LRBA: variants seen among roughly 807,000 people sequenced by gnomAD.
The protein encoded by LRBA is lipopolysaccharide-responsive and beige-like anchor protein.
LRBA carries 176 observed loss-of-function variants against 330.0 expected under a neutral mutation model. The ratio of observed to expected loss-of-function variants is 0.53; its 90% CI spans 0.47 to 0.60. LRBA has a LOEUF of 0.60. LRBA is among the 20% of genes least tolerant of loss of function. The pLI is 0.00. For missense variants in LRBA, 3,259 were observed against 3,444.8 expected (o/e 0.95, Z 1.35); for synonymous variants, 1,230 against 1,193.0 (o/e 1.03, Z -0.64).
intron 40 of LRBA, among the ~76,000 whole-genome samples, chr4:150,506,827 C>T (rs1761151309): frequency 2.0e-5 from 3 of 152,160 alleles, no homozygotes; most frequent in Admixed American, 2.0e-4. Context: ...ATCTAGAAAA[C>T]CCCATTGTCT....
intron 47 of LRBA, among the ~76,000 whole-genome samples, chr4:150,412,637 TC>T (rs1747164105): frequency 6.6e-6 from 1 of 152,072 alleles, no homozygotes. Context: ...CTTTTAGAGC[TC>T]CTTTAAAGTG....
In LRBA at chr4:150,702,698, A is replaced by C. The variant is rs971591547; in HGVS notation, c.5755-18981T>G. 7.2e-5 allele frequency among the ~76,000 whole-genome samples: 11 copies of C among 152,202 alleles called. 1 individual carries two copies. Among genetic ancestry groups the C allele is most frequent in the African/African-American group, 1.9e-4 (8 of 41,458 alleles). On this transcript the variant is annotated intron_variant, in intron 36 of 56. Coordinates refer to ENST00000651943, the MANE Select transcript of LRBA (RefSeq NM_001364905.1). ...TTCTATCATACACTACAGACTGCAA[A>C]AACGATTTTACAACTTACGTGTAAT...
intron 56 of LRBA, among the ~76,000 whole-genome samples, chr4:150,274,567 A>G (rs1220511691): frequency 1.3e-5 from 2 of 152,190 alleles, no homozygotes; most frequent in Non-Finnish European, 2.9e-5. Flanking sequence ...TACACAAGAA[A>G]AGAGAGAAGA....
chr4:150,318,904 G>C (rs1025564974), intron 50 of LRBA, among the ~76,000 whole-genome samples: 3 of 152,026 alleles, frequency 2.0e-5, no homozygotes, highest in African/African-American at 7.2e-5. Context: ...GCCAGGACTG[G>C]GAACAGTTGG....
chr4:150,863,540 T>G (rs1469324987), intron 22 of LRBA, among the ~76,000 whole-genome samples: 1 of 152,074 alleles, frequency 6.6e-6, no homozygotes, highest in Non-Finnish European at 1.5e-5. Flanking sequence ...CAGGCAACTG[T>G]AATCCCAGAT....
At chr4:150,749,568 C>T (rs1267931986) in intron 35 of LRBA, among the ~76,000 whole-genome samples, 2 of 151,874 alleles carry the variant, frequency 1.3e-5, no homozygotes, top group South Asian at 2.1e-4. Flanking sequence ...CCAGCCTGGA[C>T]AACATAGCAA....
At chr4:150,490,763 C>T (rs1324390944) in intron 41 of LRBA, among the ~76,000 whole-genome samples, 155 bp downstream of exon 41, 3 of 151,604 alleles carry the variant, frequency 2.0e-5, no homozygotes, top group Non-Finnish European at 3.0e-5. Context: ...TGGGAAAAAA[C>T]CATGAAGAAG....
intron 43 of LRBA, among the ~76,000 whole-genome samples, chr4:150,471,276 T>C (rs1404149396): frequency 6.6e-6 from 1 of 152,172 alleles, no homozygotes; most frequent in African/African-American, 2.4e-5. Flanking sequence ...GCTAGTCAAA[T>C]AGTATCCATC....
chr4:150,616,254 G>GC (rs1775762962), intron 37 of LRBA, among the ~76,000 whole-genome samples: 1 of 152,104 alleles, frequency 6.6e-6, no homozygotes, highest in South Asian at 2.1e-4. Context: ...AGACTTTCAA[G>GC]CAAGTGACCA....
intron 40 of LRBA, among the ~76,000 whole-genome samples, chr4:150,504,618 G>A (rs1161613124): frequency 1.3e-5 from 2 of 152,130 alleles, no homozygotes; most frequent in Non-Finnish European, 2.9e-5. Context: ...AGGAACAACT[G>A]GTACCAGCCA....
chr4:150,859,585 T>C (rs1455210315), intron 22 of LRBA, among the ~76,000 whole-genome samples: 2 of 152,190 alleles, frequency 1.3e-5, no homozygotes, highest in Admixed American at 6.5e-5. Context: ...AGTGCAGTTA[T>C]ACTAGAAGAG....
At chr4:150,336,342 C>T (rs1734730413) in intron 48 of LRBA, among the ~76,000 whole-genome samples, 1 of 151,938 alleles carries the variant, frequency 6.6e-6, no homozygotes, top group Non-Finnish European at 1.5e-5. Context: ...TATCTGATTC[C>T]AAGGATCCCT....
chr4:150,700,485 G>A (rs887516929), intron 36 of LRBA, among the ~76,000 whole-genome samples: 1 of 152,152 alleles, frequency 6.6e-6, no homozygotes, highest in Admixed American at 6.5e-5. Flanking sequence ...CGTTGGGTCA[G>A]TCAGTGTACA....
At chr4:150,350,250 A>C in intron 47 of LRBA, 91 bp from the exon 48 acceptor site, 1 of 995,962 alleles carries the variant, frequency 1.0e-6, no homozygotes, top group Non-Finnish European at 1.4e-6. Context: ...TTTAACACTA[A>C]CTTTACTGTG....
chr4:150,703,687 G>C (rs548645434), intron 36 of LRBA, among the ~76,000 whole-genome samples: 1 of 152,008 alleles, frequency 6.6e-6, no homozygotes, highest in South Asian at 2.1e-4. Flanking sequence ...AGCCTTTAAC[G>C]ATTTCTCCTA....
At chr4:150,695,479 T>C (rs932443208) in intron 36 of LRBA, among the ~76,000 whole-genome samples, 5 of 152,118 alleles carry the variant, frequency 3.3e-5, no homozygotes, top group African/African-American at 1.2e-4. Flanking sequence ...CACATCACCA[T>C]GCCCAGCTAA....
chr4:150,598,888 GAAC>G (rs1773802136), intron 38 of LRBA, 116 bp downstream of exon 38: 1 of 1,201,492 alleles, frequency 8.3e-7, no homozygotes, highest in Non-Finnish European at 1.2e-6. Flanking sequence ...TTTCTGGTAT[GAAC>G]AACCATAAAA....
intron 47 of LRBA, among the ~76,000 whole-genome samples, chr4:150,375,216 G>A (rs1449885582): frequency 6.6e-6 from 1 of 152,122 alleles, no homozygotes; most frequent in African/African-American, 2.4e-5. Context: ...GCGGGAGCAA[G>A]AAAAAATGTG....
At chr4:150,681,441 T>A (rs905060748) in intron 37 of LRBA, among the ~76,000 whole-genome samples, 3 of 152,194 alleles carry the variant, frequency 2.0e-5, no homozygotes, top group Non-Finnish European at 4.4e-5. Flanking sequence ...TATTGGGAAT[T>A]AATATTGAAA....
Sources: gnomAD v4.1 joint callset for allele counts (sites outside exome capture counted in the v4.1 genomes callset) on GRCh38, gnomAD v4.1.1 for gene constraint, MANE v1.5 for transcripts, NCBI Gene and HGNC (gene_info 2026-07-23, HGNC 2026-07-21) for gene names.